Variants in TBCD observed in about 807,000 individuals in gnomAD.
TBCD encodes the protein tubulin-specific chaperone D.
In TBCD, 105 loss-of-function variants were observed where a neutral mutation model predicts 169.3. The observed-to-expected ratio is 0.62, with a 90% CI of 0.53 to 0.73. The LOEUF (loss-of-function observed/expected upper bound fraction) is 0.73. TBCD is among the 30% of genes least tolerant of loss of function. The pLI is 0.00. For synonymous variants in TBCD, 700 were observed against 643.9 expected (o/e 1.09, Z -1.32); for missense variants, 1,444 against 1,600.1 (o/e 0.90, Z 1.66).
At chr17:82,841,285 T>C (rs2054504715) in intron 13 of TBCD, among the ~76,000 whole-genome samples, 1 of 152,022 alleles carries the variant, frequency 6.6e-6, no homozygotes, top group Non-Finnish European at 1.5e-5. Context: ...ACTTAAGATT[T>C]TACATGGCTT....
At chr17:82,836,780 A>C (rs2054024262) in intron 13 of TBCD, among the ~76,000 whole-genome samples, 1 of 152,264 alleles carries the variant, frequency 6.6e-6, no homozygotes, top group South Asian at 2.1e-4. Context: ...AAAGCTTTAC[A>C]ACAGGCAGGT....
chr17:82,806,831 C>T lies in TBCD; in HGVS notation c.1088-777C>T, dbSNP rs2051001186. The stretch of plus-strand genomic sequence containing the variant: ...ACTCCGGCCCTTCCCTTGACCTTTG[C>T]TTCTCAGAGCCCTCCCTGGTTGCGT... On this transcript the variant is annotated intron_variant, in intron 10 of 38. Coordinates refer to ENST00000355528, the MANE Select transcript of TBCD (RefSeq NM_005993.5). This position sits in a 1 kb window ranked among gnomAD's most constrained non-coding sequence, Gnocchi z 5.1. 1.3e-5 allele frequency among the ~76,000 whole-genome samples: 2 copies of T among 152,230 alleles called. No homozygotes were observed. The highest frequency in any genetic ancestry group is 4.1e-4 in the South Asian group (2 of 4,834).
At position 82,782,650 on chromosome 17, in the gene TBCD, A is replaced by G. The variant is rs1308792785; in HGVS notation, c.771+929A>G. On this transcript the variant is annotated intron_variant, in intron 7 of 38. Coordinates refer to ENST00000355528, the MANE Select transcript of TBCD (RefSeq NM_005993.5). The surrounding 1 kb of genome is among the most constrained non-coding windows in gnomAD (Gnocchi z 5.1). ...CTTGAGCCGCCGCGCCTGGAAGGAC[A>G]CTTTGGAGCGCGTTTTAGGGGAGAT... 2.0e-5 allele frequency among the ~76,000 whole-genome samples: 3 copies of G among 152,160 alleles called. No homozygotes were observed. The highest frequency in any genetic ancestry group is 7.2e-5 in the African/African-American group (3 of 41,456).
In TBCD at chr17:82,805,959, C is replaced by G; in HGVS notation, c.1035C>G (p.Thr345=). ...GQSEQKPLIL[T]EDDDEDDDVP... ...GTGAGCAGAAGCCACTCATCCTGACCGAAGATGACGACGAAGATGACGACG... is the reference window on the plus strand; with the variant it reads ...GTGAGCAGAAGCCACTCATCCTGACGGAAGATGACGACGAAGATGACGACG... Residue 345 remains threonine (T), a synonymous_variant, in exon 10 of 39, where the codon ACC becomes ACG. Coordinates refer to ENST00000355528, the MANE Select transcript of TBCD (RefSeq NM_005993.5). 6.2e-7 allele frequency: 1 copy of G among 1,613,474 alleles called. No homozygotes were observed. The highest frequency in any genetic ancestry group is 1.3e-5 in the African/African-American group (1 of 74,836).
At chr17:82,803,677 C>T (rs1283691611) in intron 9 of TBCD, among the ~76,000 whole-genome samples, 1 of 152,212 alleles carries the variant, frequency 6.6e-6, no homozygotes, top group Non-Finnish European at 1.5e-5. Context: ...GCCTTGGTTG[C>T]CATCACCTGC....
At chr17:82,853,605 A>G (rs1449863600) in intron 13 of TBCD, among the ~76,000 whole-genome samples, 1 of 151,296 alleles carries the variant, frequency 6.6e-6, no homozygotes, top group Non-Finnish European at 1.5e-5. Flanking sequence ...CGGTCTCACC[A>G]TCTAGCCCAG....
intron 11 of TBCD, among the ~76,000 whole-genome samples, chr17:82,809,396 C>T (rs921265685): frequency 2.0e-5 from 3 of 152,258 alleles, no homozygotes; most frequent in Admixed American, 6.5e-5. Context: ...AAGCCCTCAG[C>T]GTTCGCCTGC....
intron 6 of TBCD, 69 bp downstream of exon 6, chr17:82,772,576 G>GTT: frequency 1.3e-6 from 2 of 1,521,738 alleles, no homozygotes. Context: ...TTGGGTACGT[G>GTT]TTTCATGTGC....
At position 82,832,978 on chromosome 17, in the gene TBCD, C is replaced by A. The variant is rs1354357688; in HGVS notation, c.1318+18044C>A. 6.6e-6 allele frequency among the ~76,000 whole-genome samples: 1 copy of A among 152,194 alleles called. No homozygotes were observed. The highest frequency in any genetic ancestry group is 1.5e-5 in the Non-Finnish European group (1 of 68,032). On this transcript the variant is annotated intron_variant, in intron 13 of 38. Coordinates refer to ENST00000355528, the MANE Select transcript of TBCD (RefSeq NM_005993.5). This position sits in a 1 kb window ranked among gnomAD's most constrained non-coding sequence, Gnocchi z 4.9. Reference sequence around the variant, plus strand: ...GGAACTTTCATCCTGTGACCTGGACCTTTCCTCGAAAGCGCCCTGCCGGGG... The same window carrying A: ...GGAACTTTCATCCTGTGACCTGGACATTTCCTCGAAAGCGCCCTGCCGGGG...
intron 13 of TBCD, among the ~76,000 whole-genome samples, chr17:82,866,778 T>G (rs4986120): frequency 0.56 from 84,738 of 152,132 alleles, 23,845 homozygotes; most frequent in East Asian, 0.71. Flanking sequence ...GGAGGACAGC[T>G]GGAAGCCCAG....
intron 13 of TBCD, chr17:82,830,361 C>T (rs200708910): frequency 5.0e-6 from 8 of 1,613,414 alleles, no homozygotes; most frequent in African/African-American, 4.0e-5. Flanking sequence ...CCCCATCGCC[C>T]ACCCGGATGT....
At position 82,930,389 on chromosome 17, in the gene TBCD, G is replaced by T. The variant is rs1238036395; in HGVS notation, c.2992-133G>T. ...GTGCTGGCGTCCGCACCAGCCGCTT[G>T]GGGCCAGACCTTCGCGTCTCTGCAG... On this transcript the variant is annotated intron_variant, in intron 32 of 38. Coordinates refer to ENST00000355528, the MANE Select transcript of TBCD (RefSeq NM_005993.5). This position sits in a 1 kb window ranked among gnomAD's most constrained non-coding sequence, Gnocchi z 5.2. 2.2e-6 allele frequency: 3 copies of T among 1,350,980 alleles called. No individual in the cohort carries two copies. Among genetic ancestry groups the T allele is most frequent in the Non-Finnish European group, 2.9e-6 (3 of 1,017,534 alleles). 83.7% of individuals were successfully genotyped at this position (1,350,980 alleles called of 1,614,324 possible). A position where few individuals can be genotyped will look rare whatever the true frequency, so the allele number is the denominator to read the frequency against.
At position 82,890,462 on chromosome 17, in the gene TBCD, G is replaced by A. The variant is rs530102289; in HGVS notation, c.1563+765G>A. On this transcript the variant is annotated intron_variant, in intron 16 of 38. Transcript: ENST00000355528. The surrounding 1 kb of genome is among the most constrained non-coding windows in gnomAD (Gnocchi z 5.3). Reference sequence around the variant, plus strand: ...CGGCATGGGGTGGACGTGGGCCTGCGGACCCTTCTGACCTGTGGGGAGCCC... The same window carrying A: ...CGGCATGGGGTGGACGTGGGCCTGCAGACCCTTCTGACCTGTGGGGAGCCC... Among the ~76,000 whole-genome samples, 1 of 152,218 alleles carries A rather than the reference G, an allele frequency of 6.6e-6. No homozygotes were observed. The highest frequency in any genetic ancestry group is 2.4e-5 in the African/African-American group (1 of 41,546).
At chr17:82,900,770 C>T (rs1004067566) in intron 18 of TBCD, 39 bp downstream of exon 18, 3 of 1,477,406 alleles carry the variant, frequency 2.0e-6, no homozygotes, top group Middle Eastern at 1.7e-4. Flanking sequence ...AGCTTTTTTT[C>T]CCCCCAAAGG....
At chr17:82,758,400 A>AATAAAAAAAAAAAT (rs1555672641) in intron 2 of TBCD, among the ~76,000 whole-genome samples, 1 of 100,032 alleles carries the variant, frequency 1.0e-5, no homozygotes, top group Non-Finnish European at 1.9e-5. Flanking sequence ...AAAAAAAAAA[A>AATAAAAAAAAAAAT]AAATAAATAA....
chr17:82,900,131 C>T (rs1456498366), intron 17 of TBCD, among the ~76,000 whole-genome samples: 1 of 152,232 alleles, frequency 6.6e-6, no homozygotes, highest in Non-Finnish European at 1.5e-5. Context: ...CTGTGTGTGA[C>T]GGAGGCCTGA....
At chr17:82,863,699 T>C (rs1195870496) in intron 13 of TBCD, among the ~76,000 whole-genome samples, 1 of 152,164 alleles carries the variant, frequency 6.6e-6, no homozygotes, top group East Asian at 1.9e-4. Context: ...GCGCCTTCCC[T>C]GGTCTCAGAC....
At chr17:82,757,579 G>A (rs182277235) in intron 2 of TBCD, among the ~76,000 whole-genome samples, 306 of 149,890 alleles carry the variant, frequency 2.0e-3, no homozygotes, top group African/African-American at 6.7e-3. Flanking sequence ...CTGAGATCAC[G>A]TCACTGCACT....
chr17:82,809,800 G>T lies in TBCD; in HGVS notation c.1223+18G>T. 1.2e-6 allele frequency: 2 copies of T among 1,612,110 alleles called. No individual in the cohort carries two copies. The highest frequency in any genetic ancestry group is 2.2e-5 in the South Asian group (2 of 90,678). On this transcript the variant is annotated intron_variant, in intron 12 of 38. Coordinates refer to ENST00000355528, the MANE Select transcript of TBCD (RefSeq NM_005993.5). The stretch of plus-strand genomic sequence containing the variant: ...TGCTTCAGGTATGTGAGAAGAGCAG[G>T]GGAGGCGTGTGGGCCTGACCCTGAG...
Sources: gnomAD v4.1 joint callset for allele counts (sites outside exome capture counted in the v4.1 genomes callset) on GRCh38, gnomAD v4.1.1 for gene constraint, Gnocchi (gnomAD v3.1) non-coding constraint, MANE v1.5 for transcripts, NCBI Gene and HGNC (gene_info 2026-07-23, HGNC 2026-07-21) for gene names.